DTNA: variants seen among roughly 807,000 people sequenced by gnomAD.
DTNA encodes the protein dystrobrevin alpha.
Under a neutral mutation model 100.7 loss-of-function variants are expected in DTNA, and 43 were observed. The observed-to-expected ratio is 0.43, with a 90% CI of 0.33 to 0.55. The LOEUF (loss-of-function observed/expected upper bound fraction) is 0.55. Ranked by LOEUF, DTNA falls within the 20% of genes least tolerant of loss-of-function variation. The pLI is 0.04. For synonymous variants in DTNA, 349 were observed against 347.9 expected (o/e 1.00, Z -0.04); for missense variants, 798 against 953.9 (o/e 0.84, Z 2.15).
At chr18:34,773,446 G>C (rs920556887) in intron 3 of DTNA, among the ~76,000 whole-genome samples, 4 of 152,184 alleles carry the variant, frequency 2.6e-5, no homozygotes, top group African/African-American at 9.7e-5. Context: ...ATTCTCCCTA[G>C]TCAAGGAGCC....
intron 1 of DTNA, among the ~76,000 whole-genome samples, chr18:34,589,982 C>A (rs192264151): frequency 6.6e-6 from 1 of 152,292 alleles, no homozygotes; most frequent in Admixed American, 6.5e-5. Context: ...ATGTATATCA[C>A]AATTTCTGTA....
Position 34,518,082 on chromosome 18 carries a change from G to A in DTNA, c.-2+24568G>A, listed in dbSNP as rs116733371. On this transcript the variant is annotated intron_variant, in intron 1 of 19. Coordinates refer to the DTNA transcript ENST00000283365. ...TGAGGGATTAAACTTCTCTGCCTTT[G>A]CCAGCATTTAATGTTAACACTATGT... Among the ~76,000 whole-genome samples, 693 of 152,202 alleles carry A rather than the reference G, an allele frequency of 4.6e-3. 6 individuals are homozygous for A. The highest frequency in any genetic ancestry group is 0.016 in the African/African-American group (673 of 41,542).
chr18:34,848,706 C>T (rs1359504115), intron 14 of DTNA, among the ~76,000 whole-genome samples: 1 of 152,020 alleles, frequency 6.6e-6, no homozygotes, highest in African/African-American at 2.4e-5. Context: ...TTATTTAAAG[C>T]AGGTGTGGTT....
chr18:34,552,197 G>A (rs1326316282), intron 1 of DTNA, among the ~76,000 whole-genome samples: 1 of 151,836 alleles, frequency 6.6e-6, no homozygotes, highest in Non-Finnish European at 1.5e-5. Flanking sequence ...TATATGAACA[G>A]GTTCCCAACT....
At chr18:34,645,715 T>C (rs939980953) in intron 1 of DTNA, among the ~76,000 whole-genome samples, 3 of 152,106 alleles carry the variant, frequency 2.0e-5, no homozygotes, top group African/African-American at 7.2e-5. Context: ...GGGAGTCTCT[T>C]CAGTTTCCTG....
chr18:34,684,922 G>T (rs1568214258), intron 1 of DTNA, among the ~76,000 whole-genome samples: 1 of 152,146 alleles, frequency 6.6e-6, no homozygotes, highest in African/African-American at 2.4e-5. Context: ...CTTTTCATAT[G>T]TTTTTTGGCC....
Position 34,552,769 on chromosome 18 carries a change from G to C in DTNA, c.-2+59255G>C, listed in dbSNP as rs1292730358. The stretch of plus-strand genomic sequence containing the variant: ...ATATGTGCCACATTTCCTTAATCCA[G>C]TCTATCATTGTTGGACATTTGGGTT... On this transcript the variant is annotated intron_variant, in intron 1 of 19. Transcript: ENST00000283365. Among the ~76,000 whole-genome samples, 87 of 150,448 alleles carry C rather than the reference G, an allele frequency of 5.8e-4. 5 individuals are homozygous for C. The highest frequency in any genetic ancestry group is 5.9e-5 in the Non-Finnish European group (4 of 67,850).
At chr18:34,798,109 T>G (rs2095059003) in intron 4 of DTNA, among the ~76,000 whole-genome samples, 1 of 152,088 alleles carries the variant, frequency 6.6e-6, no homozygotes, top group African/African-American at 2.4e-5. Context: ...GAGCAATTCT[T>G]GTGCCTCAGC....
At chr18:34,621,767 T>TA (rs2056551956) in intron 1 of DTNA, among the ~76,000 whole-genome samples, 1 of 152,202 alleles carries the variant, frequency 6.6e-6, no homozygotes, top group Non-Finnish European at 1.5e-5. Flanking sequence ...TGACTATAGT[T>TA]AAAAACAATG....
chr18:34,526,627 A>T (rs2042646090), intron 1 of DTNA, among the ~76,000 whole-genome samples: 1 of 152,132 alleles, frequency 6.6e-6, no homozygotes, highest in African/African-American at 2.4e-5. Context: ...ACTTATTCTA[A>T]CAGGAATATG....
intron 1 of DTNA, among the ~76,000 whole-genome samples, chr18:34,669,264 T>G (rs1341718834): frequency 3.9e-5 from 6 of 152,168 alleles, no homozygotes; most frequent in African/African-American, 4.8e-5. Context: ...CCTTTTTTTG[T>G]TTTCCATTTG....
chr18:34,706,488 A>T (rs968743482), upstream of DTNA, among the ~76,000 whole-genome samples: 3 of 151,806 alleles, frequency 2.0e-5, no homozygotes, highest in Non-Finnish European at 4.4e-5. Context: ...GTATATAATT[A>T]TAATTTTTAA....
intron 1 of DTNA, among the ~76,000 whole-genome samples, chr18:34,726,148 A>C (rs1343100977): frequency 6.6e-6 from 1 of 152,140 alleles, no homozygotes; most frequent in Non-Finnish European, 1.5e-5. Flanking sequence ...CCTAATGTAA[A>C]TGACGAGTTC....
At chr18:34,645,231 C>A (rs995686048) in intron 1 of DTNA, among the ~76,000 whole-genome samples, 3 of 152,120 alleles carry the variant, frequency 2.0e-5, no homozygotes, top group Admixed American at 6.5e-5. Context: ...AGGTGGAGGA[C>A]TTTGTTAAAT....
chr18:34,884,559 G>A (rs2096904479), intron 21 of DTNA, among the ~76,000 whole-genome samples, 169 bp from the exon 22 acceptor site: 1 of 152,160 alleles, frequency 6.6e-6, no homozygotes, highest in African/African-American at 2.4e-5. Flanking sequence ...TTCCTTGAAT[G>A]CTCTGTGAGC....
In DTNA at chr18:34,818,217, C is replaced by T. The variant is rs1160999097; in HGVS notation, c.763C>T (p.Arg255Cys). 2.5e-6 allele frequency: 4 copies of T among 1,614,020 alleles called. No homozygotes were observed. The highest frequency in any genetic ancestry group is 2.2e-5 in the East Asian group (1 of 44,884). ...CCACAGTGAGAGTATGATGGGATTT[C>T]GCTACCGATGCCAACAGTGTCACAA... ...YCHSESMMGFRYRCQQCHNYQ... is the reference protein window; with the variant it reads ...YCHSESMMGFCYRCQQCHNYQ... Residue 255 changes from arginine (R) to cysteine (C), a missense_variant, in exon 8 of 23, where the codon CGC becomes TGC. Physicochemically the swap from Arg to Cys is radical, Grantham distance 180 (BLOSUM62 -3). Around this residue, in one of 6 missense-constraint regions of DTNA, gnomAD observed 81 missense variants for 153.5 expected, o/e 0.53. Coordinates refer to ENST00000444659, the MANE Select transcript of DTNA (RefSeq NM_001386795.1).
chr18:34,580,676 A>G (rs9955811), intron 1 of DTNA, among the ~76,000 whole-genome samples: 15,616 of 152,102 alleles, frequency 0.1, 1,151 homozygotes, highest in African/African-American at 0.2. Context: ...TGGACCACGG[A>G]GGATCTCTTT....
At chr18:34,615,072 A>G (rs939712052) in intron 1 of DTNA, among the ~76,000 whole-genome samples, 1 of 152,226 alleles carries the variant, frequency 6.6e-6, no homozygotes, top group African/African-American at 2.4e-5. Context: ...AAAGAGGTTT[A>G]ATTGACTTAT....
chr18:34,705,004 A>G (rs1484587097), intron 1 of DTNA, among the ~76,000 whole-genome samples: 1 of 152,170 alleles, frequency 6.6e-6, no homozygotes, highest in African/African-American at 2.4e-5. Context: ...ACAGGTACTT[A>G]TTGAGTTACC....
Sources: gnomAD v4.1 joint callset for allele counts (sites outside exome capture counted in the v4.1 genomes callset) on GRCh38, gnomAD v4.1.1 for gene constraint, gnomAD v4.1.1 regional missense constraint, MANE v1.5 for transcripts, NCBI Gene and HGNC (gene_info 2026-07-23, HGNC 2026-07-21) for gene names.